The following SEPHS1 variants were observed in gnomAD, a reference collection of about 807,000 sequenced individuals.
SEPHS1 encodes the protein selenophosphate synthetase 1.
In SEPHS1, 7 loss-of-function variants were observed where a neutral mutation model predicts 39.2. The observed-to-expected ratio is 0.18, with a 90% confidence interval of 0.10 to 0.34. The LOEUF (loss-of-function observed/expected upper bound fraction) is 0.34. Among genes scored for constraint, SEPHS1 ranks in the 10% least tolerant of loss-of-function variants. The pLI is 1.00. For synonymous variants in SEPHS1, 190 were observed against 195.5 expected, an observed-to-expected ratio of 0.97 and a Z score of 0.23; for missense variants, 253 against 514.5, an observed-to-expected ratio of 0.49 and a Z score of 4.92.
intron 2 of SEPHS1, 136 bp downstream of exon 2, chr10:13,344,622 G>A (rs1241507041): frequency 1.7e-6 from 1 of 573,142 alleles, no homozygotes; most frequent in Admixed American, 3.2e-5. Context: ...TAACAAAACT[G>A]CATGTGTATT....
At chr10:13,340,885 G>A (rs948276425) in intron 2 of SEPHS1, 1 of 152,134 alleles carries the variant, frequency 6.6e-6, no homozygotes, top group Non-Finnish European at 1.5e-5. Flanking sequence ...CACAGGGGGT[G>A]GCTGCGCATC....
chr10:13,333,022 A>G (rs1480335152), intron 5 of SEPHS1, among the ~76,000 whole-genome samples: 1 of 152,180 alleles, frequency 6.6e-6, no homozygotes, highest in Non-Finnish European at 1.5e-5. Flanking sequence ...GTAGCAATGA[A>G]AACATCCTAA....
intron 4 of SEPHS1, 147 bp from the exon 5 acceptor site, chr10:13,334,118 C>T (rs996859324): frequency 2.8e-6 from 2 of 711,902 alleles, no homozygotes; most frequent in Non-Finnish European, 4.5e-6. Flanking sequence ...TTGTTAGGGG[C>T]CAGGCATAAT....
Position 13,329,814 on chromosome 10 carries a change from T to C in SEPHS1, c.561-26A>G, listed in dbSNP as rs1353316740. 3 of 1,556,608 alleles carry C rather than the reference T, an allele frequency of 1.9e-6. No homozygotes were observed. In the Admixed American group the frequency reaches 5.4e-5, roughly 28 times the overall value. On this transcript the variant is annotated intron_variant, in intron 5 of 8. Coordinates refer to ENST00000327347, the MANE Select transcript of SEPHS1 (RefSeq NM_012247.5). ...CTGAAGAAAAGAAAAGGGCATGTTC[T>C]AGTCAAACTAACCAAGGAGATGAGC...
chr10:13,347,720 G>GGCC (rs1320603614), intron 1 of SEPHS1, among the ~76,000 whole-genome samples: 4 of 146,842 alleles, frequency 2.7e-5, no homozygotes, highest in South Asian at 2.1e-4. Flanking sequence ...ACCCCTGCGT[G>GGCC]GCCGCCGCCG....
chr10:13,322,594 C>T (rs1833149225), intron 8 of SEPHS1, among the ~76,000 whole-genome samples: 1 of 152,172 alleles, frequency 6.6e-6, no homozygotes, highest in Admixed American at 6.5e-5. Flanking sequence ...CCCCCATCAC[C>T]ATATCCTTGC....
chr10:13,318,947 G>A lies in SEPHS1; in HGVS notation c.*195C>T. ...AACTCAGAAGCTGCCTCAAGATTAG[G>A]TGCATCTTCAGTTAATGTAACAGGA... is the stretch of plus-strand genomic sequence containing the variant. On this transcript the variant is annotated 3_prime_UTR_variant, in exon 9 of 9. Coordinates refer to ENST00000327347, the MANE Select transcript of SEPHS1 (RefSeq NM_012247.5). 1.7e-6 allele frequency: 1 copy of A among 578,608 alleles called. No homozygotes were observed. Among genetic ancestry groups the A allele is most frequent in the South Asian group, 2.2e-5 (1 of 44,558 alleles). 35.8% of individuals were successfully genotyped at this position (578,608 alleles called of 1,614,324 possible). A position where few individuals can be genotyped will look rare whatever the true frequency, so the allele number is the denominator to read the frequency against.
At chr10:13,325,895 C>CAAA (rs562038894) in intron 7 of SEPHS1, among the ~76,000 whole-genome samples, 1 of 26,450 alleles carries the variant, frequency 3.8e-5, no homozygotes, top group Admixed American at 6.3e-4. Flanking sequence ...GACTCCGTCT[C>CAAA]AAAAAAAAAA....
At chr10:13,330,150 C>T (rs1833422226) in intron 5 of SEPHS1, among the ~76,000 whole-genome samples, 1 of 152,162 alleles carries the variant, frequency 6.6e-6, no homozygotes, top group African/African-American at 2.4e-5. Context: ...AACATTTAGC[C>T]TTCAAACGTT....
intron 6 of SEPHS1, among the ~76,000 whole-genome samples, chr10:13,328,821 C>T (rs1833382036): frequency 6.6e-6 from 1 of 152,200 alleles, no homozygotes; most frequent in African/African-American, 2.4e-5. Flanking sequence ...CCTGCTAGCT[C>T]AGGCCTGGGA....
At position 13,328,557 on chromosome 10, in the gene SEPHS1, G is replaced by C. The variant is rs1028726467; in HGVS notation, c.652-107C>G. On this transcript the variant is annotated intron_variant, in intron 6 of 8. Transcript: ENST00000327347. ...AACTTTTTCTTATTTAACTTCTAGG[G>C]ACTTTAATTCAGAAAACTGAATTTT... 3.7e-5 allele frequency: 29 copies of C among 776,198 alleles called. No homozygotes were observed. The African/African-American group carries it at 4.7e-4, about 13-fold the overall frequency. 48.1% of individuals were successfully genotyped at this position (776,198 alleles called of 1,614,324 possible).
rs1832994422 is a variant in SEPHS1 at position 13,318,052 on chromosome 10, A to C, written c.*1090T>G. 1.3e-5 allele frequency: 2 copies of C among 152,210 alleles called. No individual in the cohort carries two copies. Among genetic ancestry groups the C allele is most frequent in the African/African-American group, 4.8e-5 (2 of 41,462 alleles). The allele number at this position is 152,210 out of a possible 1,614,324, so 9.4% of individuals were successfully genotyped here. A position where few individuals can be genotyped will look rare whatever the true frequency, so the allele number is the denominator to read the frequency against. On this transcript the variant is annotated 3_prime_UTR_variant, in exon 9 of 9. Transcript: ENST00000327347. The stretch of plus-strand genomic sequence containing the variant: ...TCCCAACGCTTCTAAAATAATACTA[A>C]AAGGGGCATCTGATTATACAAGAGC...
chr10:13,321,781 G>A (rs2131684350), intron 8 of SEPHS1, among the ~76,000 whole-genome samples: 1 of 152,380 alleles, frequency 6.6e-6, no homozygotes, highest in Admixed American at 6.5e-5. Flanking sequence ...CCTGTAGGCT[G>A]TGGGTGGCGG....
intron 7 of SEPHS1, among the ~76,000 whole-genome samples, chr10:13,325,563 TC>T (rs1833242354): frequency 6.6e-6 from 1 of 152,190 alleles, no homozygotes; most frequent in African/African-American, 2.4e-5. Flanking sequence ...ACTGTAAGTT[TC>T]CTGAGGTCTC....
intron 6 of SEPHS1, among the ~76,000 whole-genome samples, chr10:13,328,866 C>T (rs1442580354): frequency 2.6e-5 from 4 of 152,226 alleles, no homozygotes; most frequent in East Asian, 1.9e-4. Context: ...GCAACATCCC[C>T]GCAGTGGCCT....
At chr10:13,333,227 G>A (rs913556717) in intron 5 of SEPHS1, among the ~76,000 whole-genome samples, 2 of 151,624 alleles carry the variant, frequency 1.3e-5, no homozygotes, top group African/African-American at 2.4e-5. Flanking sequence ...GCAGCCTCCT[G>A]GGTTCAAGTG....
chr10:13,331,603 G>C (rs1335236812), intron 5 of SEPHS1, among the ~76,000 whole-genome samples: 1 of 152,112 alleles, frequency 6.6e-6, no homozygotes, highest in African/African-American at 2.4e-5. Context: ...GGGTGGTCTT[G>C]AACTCCTGAC....
intron 8 of SEPHS1, 30 bp from the exon 9 acceptor site, chr10:13,319,386 G>A (rs1215495109): frequency 2.5e-6 from 4 of 1,606,862 alleles, no homozygotes; most frequent in Non-Finnish European, 3.4e-6. Flanking sequence ...ATGACTGTTA[G>A]TGTTGACATG....
At chr10:13,346,491 CG>C (rs1172304644) in intron 1 of SEPHS1, among the ~76,000 whole-genome samples, 1 of 152,134 alleles carries the variant, frequency 6.6e-6, no homozygotes, top group Admixed American at 6.5e-5. Flanking sequence ...CGGTGGGAAA[CG>C]TAACAACTGA....
Sources: gnomAD v4.1 joint callset for allele counts (sites outside exome capture counted in the v4.1 genomes callset) on GRCh38, gnomAD v4.1.1 for gene constraint, MANE v1.5 for transcripts, NCBI Gene and HGNC (gene_info 2026-07-23, HGNC 2026-07-21) for gene names.